The following SMYD4 variants were observed in gnomAD, a reference collection of about 807,000 sequenced individuals.
SMYD4 encodes protein-lysine N-methyltransferase SMYD4.
SMYD4 carries 68 observed loss-of-function variants against 72.8 expected under a neutral mutation model. The observed-to-expected ratio is 0.93, with a 90% CI of 0.77 to 1.14. SMYD4 has a LOEUF of 1.14. Among genes scored for constraint, SMYD4 ranks in the 50% most tolerant of loss-of-function variants. The pLI is 0.00. For missense variants in SMYD4, 984 were observed against 1,003.7 expected (o/e 0.98, Z 0.27); for synonymous variants, 407 against 388.6 (o/e 1.05, Z -0.56).
At chr17:1,783,990 A>C in intron 8 of SMYD4, 1 of 311,844 alleles carries the variant, frequency 3.2e-6, no homozygotes, top group East Asian at 6.4e-5. Context: ...TTACATCACT[A>C]GGCCCTGGAA....
intron 5 of SMYD4, among the ~76,000 whole-genome samples, chr17:1,792,274 C>T (rs1909087564): frequency 6.6e-6 from 1 of 151,884 alleles, no homozygotes; most frequent in East Asian, 2.0e-4. Context: ...CTCCTGACCT[C>T]GTGATCCTCC....
chr17:1,787,313 G>C (rs1409648991), intron 6 of SMYD4, 109 bp downstream of exon 6: 1 of 1,395,208 alleles, frequency 7.2e-7, no homozygotes, highest in African/African-American at 1.4e-5. Context: ...CCTCTTCCAG[G>C]AAGCAGACAG....
Position 1,800,291 on chromosome 17 carries a change from G to A in SMYD4, c.1103C>T (p.Thr368Met), listed in dbSNP as rs747374564. The change falls in exon 5 of 11, where the codon ACG (threonine) becomes ATG (methionine). Residue 368 changes from threonine to methionine, a missense_variant. Physicochemically the swap from Thr to Met is moderately conservative, Grantham distance 81. Transcript: ENST00000305513. ...GTTACTAATCTTATCACAAAGCTTC[G>A]TTATGATTTTGCGAACATCCTCAAA... ...VGFEDVRKII[T>M]KLCDKISNKD... is the part of the protein sequence containing the mutation. The A allele has an allele frequency of 1.9e-5, 31 of 1,613,928 alleles. No individual in the cohort carries two copies. The East Asian group carries it at 3.3e-4, about 17-fold the overall frequency.
chr17:1,798,336 CAAGT>C (rs1395499697), intron 5 of SMYD4, among the ~76,000 whole-genome samples: 4 of 152,108 alleles, frequency 2.6e-5, no homozygotes, highest in Non-Finnish European at 2.9e-5. Flanking sequence ...CTCTTGAGCT[CAAGT>C]AAGTGATTTG....
At position 1,787,439 on chromosome 17, in the gene SMYD4, TC is replaced by T. The variant is rs1248094180; in HGVS notation, c.1702del (p.Glu568ArgfsTer22). ...TGGCTCACCATAGCAGTGGAGAATC[TC>T]TTGCCCCTTTCTAATCCGCTGTGAC... ...RASQRIRKGQ[E>X]ILHCYGPHKS... On this transcript the variant is annotated frameshift_variant, in exon 6 of 11. Coordinates refer to ENST00000305513, the MANE Select transcript of SMYD4 (RefSeq NM_052928.3). LOFTEE classifies it high-confidence loss of function. 1 of 1,557,884 alleles carries T rather than the reference TC, an allele frequency of 6.4e-7. No individual in the cohort carries two copies. The highest frequency in any genetic ancestry group is 1.4e-5 in the African/African-American group (1 of 73,608).
At chr17:1,808,587 T>C (rs367561420) in intron 3 of SMYD4, among the ~76,000 whole-genome samples, 1 of 152,046 alleles carries the variant, frequency 6.6e-6, no homozygotes, top group African/African-American at 2.4e-5. Context: ...AGAAAGAAAA[T>C]AGCAGCTTTC....
chr17:1,816,788 T>C (rs1910622733), intron 2 of SMYD4, among the ~76,000 whole-genome samples: 1 of 151,826 alleles, frequency 6.6e-6, no homozygotes, highest in Admixed American at 6.6e-5. Context: ...TCTCTCACTG[T>C]GGTTTTGGTG....
chr17:1,789,764 C>CAAAA (rs60740904), intron 5 of SMYD4, among the ~76,000 whole-genome samples: 8 of 90,136 alleles, frequency 8.9e-5, no homozygotes, highest in Non-Finnish European at 1.4e-4. Flanking sequence ...GACTCTGTCT[C>CAAAA]AAAAAAAAAA....
intron 7 of SMYD4, among the ~76,000 whole-genome samples, chr17:1,785,415 A>G (rs915095530): frequency 7.6e-6 from 1 of 131,378 alleles, no homozygotes; most frequent in African/African-American, 2.9e-5. Flanking sequence ...GACATGAGAG[A>G]GACTCTGTCT....
chr17:1,823,667 T>C (rs1416436216), intron 2 of SMYD4, among the ~76,000 whole-genome samples: 3 of 152,072 alleles, frequency 2.0e-5, no homozygotes, highest in East Asian at 1.9e-4. Context: ...CACAGCAGGG[T>C]TGGGCACATG....
At chr17:1,815,154 TC>T (rs1910523366) in intron 2 of SMYD4, among the ~76,000 whole-genome samples, 1 of 151,498 alleles carries the variant, frequency 6.6e-6, no homozygotes, top group African/African-American at 2.4e-5. Flanking sequence ...ACATCTGCCT[TC>T]CGGGTTCAAG....
rs947213392 is a variant in SMYD4, at chr17:1,812,083, G to C, written c.167C>G (p.Ser56Cys). The change falls in exon 3 of 11, where the codon TCT becomes TGT. Residue 56 changes from serine to cysteine, a missense_variant. Ser to Cys is a moderately radical substitution (Grantham distance 112). Transcript: ENST00000305513. The stretch of plus-strand genomic sequence containing the variant: ...GTCCTTTCCCACCAAGTAACCTTTA[G>C]AAAGTCTTTTTAGAAACAGCTCATC... ...PEDELFLKRL[S>C]KGYLVGKDSD... 3.7e-5 allele frequency: 60 copies of C among 1,613,930 alleles called. No individual in the cohort carries two copies. The highest frequency in any genetic ancestry group is 4.6e-5 in the Non-Finnish European group (54 of 1,180,022).
At chr17:1,787,684 C>T in intron 5 of SMYD4, 80 bp from the exon 6 acceptor site, 1 of 1,424,250 alleles carries the variant, frequency 7.0e-7, no homozygotes, top group South Asian at 1.4e-5. Context: ...AGAAGATGAG[C>T]TGGGCAGCTA....
chr17:1,823,991 T>C (rs1043019132), intron 2 of SMYD4, among the ~76,000 whole-genome samples: 2 of 152,122 alleles, frequency 1.3e-5, no homozygotes, highest in Admixed American at 6.6e-5. Context: ...TAGCTAAAAG[T>C]TTCATACTTT....
At chr17:1,809,802 T>C (rs937915367) in intron 3 of SMYD4, among the ~76,000 whole-genome samples, 1 of 152,056 alleles carries the variant, frequency 6.6e-6, no homozygotes, top group East Asian at 1.9e-4. Flanking sequence ...CCTGAGTAGG[T>C]GGGACTACAG....
intron 2 of SMYD4, among the ~76,000 whole-genome samples, chr17:1,818,584 G>T (rs1283037750): frequency 1.3e-5 from 2 of 152,018 alleles, no homozygotes; most frequent in Non-Finnish European, 2.9e-5. Context: ...ACCAATCCAA[G>T]ATCAACGTTC....
chr17:1,799,926 C>T lies in SMYD4; in HGVS notation c.1468G>A (p.Val490Met). The T allele has an allele frequency of 6.2e-7, 1 of 1,613,966 alleles. No homozygotes were observed. ...TGTAACATGTGTCTCAGCATCGCCA[C>T]TCCCCAAATAGTCACGTCAGGACAC... ...ELCPDVTIWG[V>M]AMLRHMLQLQ... Residue 490 changes from valine to methionine, a missense_variant, in exon 5 of 11, where the codon GTG (valine) becomes ATG (methionine). Physicochemically the swap from Val to Met is conservative, Grantham distance 21 (BLOSUM62 1). Coordinates refer to ENST00000305513, the MANE Select transcript of SMYD4 (RefSeq NM_052928.3).
intron 2 of SMYD4, among the ~76,000 whole-genome samples, chr17:1,823,503 T>C (rs1231468434): frequency 6.6e-6 from 1 of 151,380 alleles, no homozygotes; most frequent in African/African-American, 2.4e-5. Context: ...ACAATGACTA[T>C]GTGTGTGCGA....
chr17:1,806,923 C>T (rs887178000), intron 3 of SMYD4, among the ~76,000 whole-genome samples: 11 of 151,866 alleles, frequency 7.2e-5, no homozygotes, highest in Admixed American at 4.6e-4. Flanking sequence ...CAGAGTCTCT[C>T]GTTGTCGTCC....
Sources: gnomAD v4.1 joint callset for allele counts (sites outside exome capture counted in the v4.1 genomes callset) on GRCh38, gnomAD v4.1.1 for gene constraint, MANE v1.5 for transcripts, NCBI Gene and HGNC (gene_info 2026-07-23, HGNC 2026-07-21) for gene names.